The following CCNDBP1 variants were observed in gnomAD, a reference collection of about 807,000 sequenced individuals.
CCNDBP1 encodes cyclin-D1-binding protein 1.
CCNDBP1 carries 45 observed loss-of-function variants against 46.2 expected under a neutral mutation model. The observed-to-expected ratio is 0.97, with a 90% CI of 0.77 to 1.25. The LOEUF (loss-of-function observed/expected upper bound fraction) is 1.25. CCNDBP1 is among the 50% of genes most tolerant of loss of function. The pLI is 0.00. For synonymous variants in CCNDBP1, 154 were observed against 163.6 expected (o/e 0.94, Z 0.45); for missense variants, 436 against 442.1 (o/e 0.99, Z 0.12).
rs761292516 is a variant in CCNDBP1, at chr15:43,192,802, A to C, written c.920A>C (p.Asn307Thr). The change falls in exon 9 of 11, where the codon AAT becomes ACT. Residue 307 changes from asparagine (N) to threonine (T), a missense_variant and splice_region_variant. Asn to Thr is a moderately conservative substitution (Grantham distance 65, BLOSUM62 0). Transcript: ENST00000300213. ...PPMCHLTVRI[N>T]SAKLVSVLKK... ...ATGTGTCACCTGACCGTGCGAATCA[A>C]TGTAAGTACTGGCTTTGAGGGAATA... is the stretch of plus-strand genomic sequence containing the variant. 1.2e-6 allele frequency: 2 copies of C among 1,613,908 alleles called. No homozygotes were observed. Among genetic ancestry groups the C allele is most frequent in the African/African-American group, 1.3e-5 (1 of 75,058 alleles).
Position 43,191,342 on chromosome 15 carries a change from CCTTT to C in CCNDBP1, c.580-52_580-49del, listed in dbSNP as rs2041948286. 1.7e-4 allele frequency: 185 copies of C among 1,109,110 alleles called. 1 individual carries two copies. The African/African-American group carries it at 2.1e-3, about 13-fold the overall frequency. 68.7% of individuals were successfully genotyped at this position (1,109,110 alleles called of 1,614,324 possible). A position where few individuals can be genotyped will look rare whatever the true frequency, so the allele number is the denominator to read the frequency against. On this transcript the variant is annotated intron_variant, in intron 7 of 10. Transcript: ENST00000300213. ...GGTAAAAGTATAATAATAGGCCTCG[CCTTT>C]TTTTTTTTTTTTTTTTTTTGCATTC...
chr15:43,188,540 A>G (rs1161528302), intron 3 of CCNDBP1: 1 of 152,250 alleles, frequency 6.6e-6, no homozygotes, highest in African/African-American at 2.4e-5. Flanking sequence ...TTCATTTCCA[A>G]AAACAGGCAG....
At chr15:43,191,346 T>A (rs748428417) in intron 7 of CCNDBP1, 49 bp from the exon 8 acceptor site, 1 of 312,966 alleles carries the variant, frequency 3.2e-6, no homozygotes, top group Non-Finnish European at 4.8e-6. Context: ...GCCTCGCCTT[T>A]TTTTTTTTTT....
Position 43,196,533 on chromosome 15 carries a change from C to G in CCNDBP1, c.*1692C>G, listed in dbSNP as rs1292347397. 6.6e-6 allele frequency: 1 copy of G among 151,984 alleles called. No homozygotes were observed. The highest frequency in any genetic ancestry group is 1.5e-5 in the Non-Finnish European group (1 of 68,106). 9.4% of individuals were successfully genotyped at this position (151,984 alleles called of 1,614,324 possible). On this transcript the variant is annotated 3_prime_UTR_variant, in exon 11 of 11. Transcript: ENST00000300213. ...AAACTCCTGACCTCAGGTGATCTGC[C>G]CACGTCAGCCTCCCAAAGTGCTGGG...
rs745783242 is a variant in CCNDBP1, at chr15:43,191,558, T to TGA, written c.747_748dup (p.Ala250GlufsTer7). The TGA allele has an allele frequency of 2.0e-5, 33 of 1,613,842 alleles. No homozygotes were observed. Among genetic ancestry groups the TGA allele is most frequent in the Non-Finnish European group, 2.6e-5 (31 of 1,179,988 alleles). ...CTCATAATCCCATGCCTTGCGCTGG[T>TGA]GAGAGCATCCAAAGCCTGCCTGAAG... On this transcript the variant is annotated frameshift_variant, in exon 8 of 11. Transcript: ENST00000300213. LOFTEE classifies it high-confidence loss of function.
Position 43,196,961 on chromosome 15 carries a change from C to T in CCNDBP1, c.*2120C>T, listed in dbSNP as rs181936060. On this transcript the variant is annotated 3_prime_UTR_variant, in exon 11 of 11. Transcript: ENST00000300213. ...ATTGGTGGGGTAATGAGTAAGTTCT[C>T]GCTCTATATGTCCCTCCCCCACCCC... is the stretch of plus-strand genomic sequence containing the variant. 6 of 357,706 alleles carry T rather than the reference C, an allele frequency of 1.7e-5. No homozygotes were observed. Among genetic ancestry groups the T allele is most frequent in the East Asian group, 1.4e-4 (2 of 14,382 alleles). 22.2% of individuals were successfully genotyped at this position (357,706 alleles called of 1,614,324 possible).
At chr15:43,193,068 G>A (rs1436778812) in intron 9 of CCNDBP1, 1 of 473,606 alleles carries the variant, frequency 2.1e-6, no homozygotes, top group South Asian at 2.9e-5. Context: ...AGAAAATGAT[G>A]CTTTAAGGCT....
chr15:43,192,669 C>A, intron 8 of CCNDBP1, 74 bp from the exon 9 acceptor site: 1 of 1,329,920 alleles, frequency 7.5e-7, no homozygotes, highest in Non-Finnish European at 1.1e-6. Flanking sequence ...TCACTGTTGA[C>A]ATCCATAGTT....
chr15:43,194,778 T>G lies in CCNDBP1; in HGVS notation c.1020T>G (p.Ile340Met), dbSNP rs934584146. Residue 340 changes from isoleucine (I) to methionine (M), a missense_variant, in exon 11 of 11, where the codon ATT becomes ATG. Transcript: ENST00000300213. The part of the protein sequence containing the change: ...QPEDSWIPLL[I>M]NAIDHCMNRI... ...AAGATAGTTGGATCCCTTTACTTAT[T>G]AATGCCATTGATCATTGCATGAATA... The G allele has an allele frequency of 6.2e-6, 10 of 1,614,028 alleles. No homozygotes were observed. Among genetic ancestry groups the G allele is most frequent in the Non-Finnish European group, 8.5e-6 (10 of 1,179,870 alleles).
Position 43,185,405 on chromosome 15 carries a change from T to A in CCNDBP1, c.-94T>A. The A allele has an allele frequency of 9.8e-7, 1 of 1,024,568 alleles. No homozygotes were observed. Among genetic ancestry groups the A allele is most frequent in the Middle Eastern group, 2.8e-4 (1 of 3,584 alleles). 63.5% of individuals were successfully genotyped at this position (1,024,568 alleles called of 1,614,324 possible). A position where few individuals can be genotyped will look rare whatever the true frequency, so the allele number is the denominator to read the frequency against. ...CGGCTTGTTGACGGAAACGAGCCCT[T>A]GACGCTGTGGCCCGGAAGTGGAGCG... On this transcript the variant is annotated 5_prime_UTR_variant, in exon 1 of 11. Transcript: ENST00000300213.
chr15:43,195,059 T>C lies in CCNDBP1; in HGVS notation c.*218T>C, dbSNP rs2042021596. 1 of 393,844 alleles carries C rather than the reference T, an allele frequency of 2.5e-6. No homozygotes were observed. Among genetic ancestry groups the C allele is most frequent in the African/African-American group, 2.1e-5 (1 of 48,156 alleles). 24.4% of individuals were successfully genotyped at this position (393,844 alleles called of 1,614,324 possible). On this transcript the variant is annotated 3_prime_UTR_variant, in exon 11 of 11. Transcript: ENST00000300213. The stretch of plus-strand genomic sequence containing the variant: ...TTTCTGTGCTATATATGAAAAATAA[T>C]TGCATGATTTCTCATTCCTGAGTCA...
intron 3 of CCNDBP1, among the ~76,000 whole-genome samples, chr15:43,186,695 T>A (rs2041849606): frequency 6.6e-6 from 1 of 152,254 alleles, no homozygotes; most frequent in Non-Finnish European, 1.5e-5. Flanking sequence ...CAGTAACATA[T>A]GTAGATAGTA....
In CCNDBP1 at chr15:43,189,963, T is replaced by C. The variant is rs904990712; in HGVS notation, c.332-92T>C. ...TAGGTTAAAGCATGTGGGTGTACAT[T>C]ACCTTATAGTTCTGTAATGCTTAGA... On this transcript the variant is annotated intron_variant, in intron 4 of 10. Transcript: ENST00000300213. 5.6e-6 allele frequency: 6 copies of C among 1,063,452 alleles called. No individual in the cohort carries two copies. The Admixed American group carries it at 1.2e-4, about 22-fold the overall frequency. The allele number at this position is 1,063,452 out of a possible 1,614,324, so 65.9% of individuals were successfully genotyped here. A position where few individuals can be genotyped will look rare whatever the true frequency, so the allele number is the denominator to read the frequency against.
At chr15:43,192,301 T>C (rs1297931162) in intron 8 of CCNDBP1, among the ~76,000 whole-genome samples, 1 of 152,236 alleles carries the variant, frequency 6.6e-6, no homozygotes, top group Non-Finnish European at 1.5e-5. Context: ...TTAAGTGTTT[T>C]GTACATCTCA....
Position 43,191,531 on chromosome 15 carries a change from A to G in CCNDBP1, c.716A>G (p.Glu239Gly). Residue 239 changes from glutamate (E) to glycine (G), a missense_variant, in exon 8 of 11, where the codon GAG becomes GGG. Glu to Gly is a moderately conservative substitution (Grantham distance 98). Transcript: ENST00000300213. Reference sequence around the variant, plus strand: ...TTGTATTGGTCAGAGGACGATCAAGAGCTCATAATCCCATGCCTTGCGCTG... The same window carrying G: ...TTGTATTGGTCAGAGGACGATCAAGGGCTCATAATCCCATGCCTTGCGCTG... Reference protein sequence around the residue: ...QDLYWSEDDQELIIPCLALVR... With the variant: ...QDLYWSEDDQGLIIPCLALVR... The G allele has an allele frequency of 6.2e-7, 1 of 1,614,108 alleles. No individual in the cohort carries two copies. The highest frequency in any genetic ancestry group is 8.5e-7 in the Non-Finnish European group (1 of 1,180,010).
At chr15:43,191,734 T>C (rs1242625028) in intron 8 of CCNDBP1, 59 bp downstream of exon 8, 3 of 1,549,238 alleles carry the variant, frequency 1.9e-6, no homozygotes, top group Non-Finnish European at 2.6e-6. Flanking sequence ...CAATTTGTGT[T>C]GTCACCTCAA....
intron 4 of CCNDBP1, chr15:43,189,663 G>A: frequency 3.2e-6 from 1 of 308,144 alleles, no homozygotes. Flanking sequence ...AGGTTAAATG[G>A]CCTCCAGCCC....
rs1319544884 is a variant in CCNDBP1, at chr15:43,185,485, G to A, written c.-14G>A. 1 of 1,572,312 alleles carries A rather than the reference G, an allele frequency of 6.4e-7. No homozygotes were observed. The highest frequency in any genetic ancestry group is 2.3e-5 in the East Asian group (1 of 42,684). On this transcript the variant is annotated 5_prime_UTR_variant, in exon 1 of 11. Transcript: ENST00000300213. ...GCGGAGGCCTGTGTTTGCGGCCTTCGGCAAGCGACTGAGATGGCGAGCGCA... is the reference window on the plus strand; with the variant it reads ...GCGGAGGCCTGTGTTTGCGGCCTTCAGCAAGCGACTGAGATGGCGAGCGCA...
chr15:43,194,531 C>T lies in CCNDBP1; in HGVS notation c.968+70C>T, dbSNP rs2042014111. 5.6e-6 allele frequency: 7 copies of T among 1,249,506 alleles called. No individual in the cohort carries two copies. The East Asian group carries it at 7.1e-5, about 13-fold the overall frequency. 77.4% of individuals were successfully genotyped at this position (1,249,506 alleles called of 1,614,324 possible). On this transcript the variant is annotated intron_variant, in intron 10 of 10. Coordinates refer to ENST00000300213, the MANE Select transcript of CCNDBP1 (RefSeq NM_012142.5). ...AACTGCTGTCCAGACGTTCTCAACT[C>T]CCTAGCTCCCATTTCAAGGAGTGGG...
Sources: gnomAD v4.1 joint callset for allele counts (sites outside exome capture counted in the v4.1 genomes callset) on GRCh38, gnomAD v4.1.1 for gene constraint, MANE v1.5 for transcripts, NCBI Gene and HGNC (gene_info 2026-07-23, HGNC 2026-07-21) for gene names.